Variants in QPCTL observed in about 807,000 individuals in gnomAD.
The protein encoded by QPCTL is glutaminyl-peptide cyclotransferase-like protein.
In QPCTL, 31 loss-of-function variants were observed where a neutral mutation model predicts 34.6. The observed-to-expected ratio is 0.90, with a 90% CI of 0.67 to 1.21. The LOEUF (loss-of-function observed/expected upper bound fraction) is 1.21. Among genes scored for constraint, QPCTL ranks in the 50% most tolerant of loss-of-function variants. The pLI is 0.00. For missense variants in QPCTL, 474 were observed against 507.8 expected, an observed-to-expected ratio of 0.93 and a Z score of 0.64; for synonymous variants, 223 against 226.9, an observed-to-expected ratio of 0.98 and a Z score of 0.15.
At chr19:45,693,307 T>G in intron 1 of QPCTL, 106 bp from the exon 2 acceptor site, 1 of 1,390,802 alleles carries the variant, frequency 7.2e-7, no homozygotes, top group Non-Finnish European at 9.7e-7. Flanking sequence ...AGGCGGCAGA[T>G]TAGGAAGAGA....
At position 45,698,659 on chromosome 19, in the gene QPCTL, CTA is replaced by C; in HGVS notation, c.749_750del (p.Ile250ThrfsTer13). On this transcript the variant is annotated frameshift_variant, in exon 4 of 7. Coordinates refer to ENST00000012049, the MANE Select transcript of QPCTL (RefSeq NM_017659.4). LOFTEE classifies it high-confidence loss of function. ...CGGCACCTGGCCCAGCTCATGGAGT[CTA>C]TACCTCACAGCCCCGGCCCCACCAG... 5.6e-6 allele frequency: 9 copies of C among 1,614,150 alleles called. No homozygotes were observed. Among genetic ancestry groups the C allele is most frequent in the Non-Finnish European group, 6.8e-6 (8 of 1,180,030 alleles).
chr19:45,696,200 C>T (rs555781944), intron 3 of QPCTL, among the ~76,000 whole-genome samples: 1 of 152,224 alleles, frequency 6.6e-6, no homozygotes, highest in African/African-American at 2.4e-5. Flanking sequence ...ACCTCTTGCT[C>T]ACTCTGCTGT....
chr19:45,699,031 CTT>C (rs563977852), intron 5 of QPCTL, 131 bp downstream of exon 5: 13,724 of 325,964 alleles, frequency 0.042, no homozygotes, highest in South Asian at 0.055. Context: ...GAGACCCCAT[CTT>C]TTTTTTTTTT....
Position 45,694,730 on chromosome 19 carries a change from A to G in QPCTL, c.352-707A>G, listed in dbSNP as rs551951645. 3.9e-5 allele frequency among the ~76,000 whole-genome samples: 6 copies of G among 151,942 alleles called. No homozygotes were observed. The South Asian group carries it at 1.2e-3, about 32-fold the overall frequency. On this transcript the variant is annotated intron_variant, in intron 2 of 6. Transcript: ENST00000012049. ...ATGATCCGCCCACCTCAGCCTCCCA[A>G]AGTGCTGGGATTACAGGCGTGAGCC...
chr19:45,702,879 G>A, intron 6 of QPCTL, 25 bp from the exon 7 acceptor site: 2 of 1,613,806 alleles, frequency 1.2e-6, no homozygotes, highest in Non-Finnish European at 1.7e-6. Context: ...CAGTGGACCT[G>A]ACAAAGTCTC....
Position 45,698,678 on chromosome 19 carries a change from C to A in QPCTL, c.765C>A (p.Gly255=), listed in dbSNP as rs1967751407. ...QLMESIPHSP[G]PTRIQAIELF... is the part of the protein sequence containing the mutation. ...TGGAGTCTATACCTCACAGCCCCGGCCCCACCAGGATCCAGGCTATTGTAA... is the reference window on the plus strand; with the variant it reads ...TGGAGTCTATACCTCACAGCCCCGGACCCACCAGGATCCAGGCTATTGTAA... Residue 255 remains glycine, a synonymous_variant, in exon 4 of 7, where the codon GGC becomes GGA. Transcript: ENST00000012049. The A allele has an allele frequency of 6.2e-7, 1 of 1,614,004 alleles. No individual in the cohort carries two copies. The highest frequency in any genetic ancestry group is 8.5e-7 in the Non-Finnish European group (1 of 1,180,022).
At position 45,698,675 on chromosome 19, in the gene QPCTL, C is replaced by T. The variant is rs764974680; in HGVS notation, c.762C>T (p.Pro254=). 12 of 1,614,018 alleles carry T rather than the reference C, an allele frequency of 7.4e-6. No homozygotes were observed. The African/African-American group carries it at 8.0e-5, about 11-fold the overall frequency. ...TCATGGAGTCTATACCTCACAGCCC[C>T]GGCCCCACCAGGATCCAGGCTATTG... ...AQLMESIPHS[P]GPTRIQAIEL... is the part of the protein sequence containing the mutation. Residue 254 remains proline (P), a synonymous_variant, in exon 4 of 7, where the codon CCC becomes CCT. Transcript: ENST00000012049.
intron 6 of QPCTL, among the ~76,000 whole-genome samples, 179 bp from the exon 7 acceptor site, chr19:45,702,725 C>G (rs1453239168): frequency 2.6e-5 from 4 of 151,264 alleles, no homozygotes; most frequent in Non-Finnish European, 5.9e-5. Context: ...GATCACGCCA[C>G]TGCACTCCAG....
chr19:45,697,629 C>T (rs967311933), intron 3 of QPCTL, among the ~76,000 whole-genome samples: 3 of 152,066 alleles, frequency 2.0e-5, no homozygotes, highest in Admixed American at 1.3e-4. Context: ...GTGTTGCTCC[C>T]TTGGCTGGGA....
intron 3 of QPCTL, among the ~76,000 whole-genome samples, chr19:45,697,405 G>A (rs545914874): frequency 2.3e-5 from 3 of 127,738 alleles, no homozygotes; most frequent in Non-Finnish European, 4.8e-5. Flanking sequence ...CAGCCTGGGC[G>A]ATACAGCGAG....
intron 1 of QPCTL, 132 bp downstream of exon 1, chr19:45,693,042 C>T (rs1387477039): frequency 3.0e-6 from 3 of 993,506 alleles, no homozygotes; most frequent in Non-Finnish European, 4.3e-6. Flanking sequence ...GCGCATGACC[C>T]TTACCAAAGG....
chr19:45,699,684 A>G (rs1159982653), intron 5 of QPCTL, among the ~76,000 whole-genome samples: 1 of 151,964 alleles, frequency 6.6e-6, no homozygotes, highest in Non-Finnish European at 1.5e-5. Context: ...TAATCCCAGC[A>G]CTTTGGGAGG....
chr19:45,701,487 G>A (rs574214001), intron 5 of QPCTL, among the ~76,000 whole-genome samples: 29 of 152,176 alleles, frequency 1.9e-4, no homozygotes, highest in African/African-American at 6.7e-4. Flanking sequence ...TGTTGGCCAA[G>A]CTGGTTTCGA....
chr19:45,702,898 C>T lies in QPCTL; in HGVS notation c.1004-6C>T. ...GGACCTGACAAAGTCTCCTCTGTCA[C>T]TTCAGGGGTACCCGTGCTCCATCTC... On this transcript the variant is annotated splice_polypyrimidine_tract_variant and splice_region_variant and intron_variant, in intron 6 of 6. Transcript: ENST00000012049. 6.2e-7 allele frequency: 1 copy of T among 1,614,116 alleles called. No individual in the cohort carries two copies. Among genetic ancestry groups the T allele is most frequent in the South Asian group, 1.1e-5 (1 of 91,078 alleles).
At chr19:45,698,192 G>A (rs1032822249) in intron 3 of QPCTL, among the ~76,000 whole-genome samples, 6 of 151,910 alleles carry the variant, frequency 3.9e-5, no homozygotes, top group African/African-American at 1.2e-4. Context: ...GGAGGTTGCA[G>A]TGAGTCAAGA....
chr19:45,703,465 G>A lies in QPCTL; in HGVS notation c.*416G>A. The A allele has an allele frequency of 6.4e-6, 1 of 156,428 alleles. No individual in the cohort carries two copies. The highest frequency in any genetic ancestry group is 1.4e-5 in the Non-Finnish European group (1 of 70,514). The allele number at this position is 156,428 out of a possible 1,614,324, so 9.7% of individuals were successfully genotyped here. Reference sequence around the variant, plus strand: ...CCTGCCTCAGCCTCCCAAGTAGCTGGGACTACAGGTGCCCGCCACCACGCT... The same window carrying A: ...CCTGCCTCAGCCTCCCAAGTAGCTGAGACTACAGGTGCCCGCCACCACGCT... On this transcript the variant is annotated 3_prime_UTR_variant, in exon 7 of 7. Transcript: ENST00000012049.
chr19:45,700,374 G>A (rs1416739898), intron 5 of QPCTL, among the ~76,000 whole-genome samples: 1 of 151,812 alleles, frequency 6.6e-6, no homozygotes, highest in Non-Finnish European at 1.5e-5. Flanking sequence ...GTACCTGGGA[G>A]CACAGGTTGC....
At chr19:45,700,257 G>A (rs1027723100) in intron 5 of QPCTL, among the ~76,000 whole-genome samples, 7 of 151,890 alleles carry the variant, frequency 4.6e-5, no homozygotes, top group South Asian at 2.1e-4. Context: ...CCAGCCTGGC[G>A]AATATGGTAA....
In QPCTL at chr19:45,695,657, G is replaced by A. The variant is rs756862521; in HGVS notation, c.572G>A (p.Cys191Tyr). ...FVGATDSAVPCALLLELAQAL... is the reference protein window; with the variant it reads ...FVGATDSAVPYALLLELAQAL... ...GGGGCCACGGATTCGGCTGTGCCCT[G>A]TGCCCTGCTGCTGGAGCTGGCCCAA... Residue 191 changes from cysteine to tyrosine, a missense_variant, in exon 3 of 7, where the codon TGT (cysteine) becomes TAT (tyrosine). Coordinates refer to ENST00000012049, the MANE Select transcript of QPCTL (RefSeq NM_017659.4). The A allele has an allele frequency of 6.2e-7, 1 of 1,613,768 alleles. No homozygotes were observed. Among genetic ancestry groups the A allele is most frequent in the Admixed American group, 1.7e-5 (1 of 60,008 alleles).
Sources: gnomAD v4.1 joint callset for allele counts (sites outside exome capture counted in the v4.1 genomes callset) on GRCh38, gnomAD v4.1.1 for gene constraint, MANE v1.5 for transcripts, NCBI Gene and HGNC (gene_info 2026-07-23, HGNC 2026-07-21) for gene names.